Variants in ZSCAN25 observed in about 807,000 individuals in gnomAD.
ZSCAN25 encodes zinc finger and SCAN domain-containing protein 25.
In ZSCAN25, 27 loss-of-function variants were observed where a neutral mutation model predicts 38.7. The ratio of observed to expected loss-of-function variants is 0.70; its 90% CI spans 0.51 to 0.96. The LOEUF is 0.96. Among genes scored for constraint, ZSCAN25 ranks in the 40% least tolerant of loss-of-function variants. The pLI, the probability that ZSCAN25 is intolerant of heterozygous loss-of-function variation, is 0.00. For synonymous variants in ZSCAN25, 273 were observed against 277.7 expected (o/e 0.98, Z 0.17); for missense variants, 637 against 705.9 (o/e 0.90, Z 1.11).
intron 7 of ZSCAN25, among the ~76,000 whole-genome samples, chr7:99,628,906 G>A (rs182407367): frequency 6.6e-6 from 1 of 152,296 alleles, no homozygotes; most frequent in East Asian, 1.9e-4. Flanking sequence ...GAGAATAATC[G>A]TGGTGAGTGT....
rs755130158 is a variant in ZSCAN25, at chr7:99,629,394, G to A, written c.1009G>A (p.Glu337Lys). 15 of 1,614,018 alleles carry A rather than the reference G, an allele frequency of 9.3e-6. No homozygotes were observed. The Admixed American group carries it at 1.3e-4, about 14-fold the overall frequency. Residue 337 changes from glutamate to lysine, a missense_variant, in exon 8 of 8, where the codon GAA (glutamate) becomes AAA (lysine). By Grantham distance (56) the Glu-to-Lys change is moderately conservative. Coordinates refer to ENST00000394152, the MANE Select transcript of ZSCAN25 (RefSeq NM_145115.3). This position sits in a 1 kb window ranked among gnomAD's most constrained non-coding sequence, Gnocchi z 5.6. ...PQHGAIPLPD[E>K]VKTHSSFWKP... ...GCACGGTGCCATCCCCCTGCCTGAC[G>A]AAGTCAAAACCCACAGCTCCTTCTG...
At chr7:99,652,623 C>T in the ZSCAN25 span, 1 of 1,614,088 alleles carries the variant, frequency 6.2e-7, no homozygotes, top group South Asian at 1.1e-5. Context: ...GTTGGAATCA[C>T]CACCATTGAC....
chr7:99,720,608 A>T, the ZSCAN25 span: 7 of 553,538 alleles, frequency 1.3e-5, no homozygotes, highest in Admixed American at 1.8e-4. Context: ...TCTTCATACG[A>T]TGAAGGGTAA....
At chr7:99,707,831 T>G in the ZSCAN25 span, 1 of 1,613,830 alleles carries the variant, frequency 6.2e-7, no homozygotes, top group African/African-American at 1.3e-5. Context: ...TTTACAAGGT[T>G]TGAAGGAGAA....
At chr7:99,650,589 A>G in the ZSCAN25 span, among the ~76,000 whole-genome samples, 5 of 152,192 alleles carry the variant, frequency 3.3e-5, no homozygotes, top group Non-Finnish European at 7.3e-5. Context: ...TCCTGCCTCA[A>G]CTCACACTTG....
At chr7:99,666,927 ATT>A in the ZSCAN25 span, 6 of 1,610,476 alleles carry the variant, frequency 3.7e-6, no homozygotes, top group Non-Finnish European at 5.1e-6. Flanking sequence ...TACATTTCTA[ATT>A]AAGACTCATC....
At chr7:99,678,147 C>T in the ZSCAN25 span, among the ~76,000 whole-genome samples, 1 of 152,230 alleles carries the variant, frequency 6.6e-6, no homozygotes, top group Non-Finnish European at 1.5e-5. Context: ...AAGGCATTGT[C>T]TGCCTGGCTG....
chr7:99,727,575 C>A, the ZSCAN25 span, among the ~76,000 whole-genome samples: 1 of 152,116 alleles, frequency 6.6e-6, no homozygotes, highest in African/African-American at 2.4e-5. Context: ...CACTCTATTT[C>A]CCCATATTTC....
the ZSCAN25 span, chr7:99,663,891 TAC>T: frequency 6.7e-7 from 1 of 1,485,630 alleles, no homozygotes; most frequent in East Asian, 2.5e-5. Context: ...AAAATACAGA[TAC>T]ATGCTCTATC....
At chr7:99,719,812 A>G in the ZSCAN25 span, among the ~76,000 whole-genome samples, 5 of 152,162 alleles carry the variant, frequency 3.3e-5, no homozygotes, top group African/African-American at 9.6e-5. Context: ...AGCCTGGCCA[A>G]TAAGGTGAAA....
chr7:99,638,714 T>G, the ZSCAN25 span: 2 of 1,323,056 alleles, frequency 1.5e-6, no homozygotes, highest in South Asian at 1.2e-5. Flanking sequence ...AGGCGCAACA[T>G]GAGGATCCAC....
chr7:99,701,046 C>T, the ZSCAN25 span, among the ~76,000 whole-genome samples: 1 of 152,208 alleles, frequency 6.6e-6, no homozygotes, highest in Non-Finnish European at 1.5e-5. Context: ...CACCCAACCA[C>T]CCTGTGCCTC....
chr7:99,708,454 C>T, the ZSCAN25 span, among the ~76,000 whole-genome samples: 25 of 152,100 alleles, frequency 1.6e-4, no homozygotes, highest in African/African-American at 5.3e-4. Context: ...CTCCTCCCTA[C>T]CTTGTCTTAC....
the ZSCAN25 span, among the ~76,000 whole-genome samples, chr7:99,721,296 A>G: frequency 3.3e-5 from 5 of 152,218 alleles, no homozygotes; most frequent in Admixed American, 2.6e-4. Context: ...CCACACTTAC[A>G]TAGAAAGTTT....
the ZSCAN25 span, among the ~76,000 whole-genome samples, chr7:99,724,844 GA>G: frequency 6.6e-6 from 1 of 151,946 alleles, no homozygotes; most frequent in African/African-American, 2.4e-5. Context: ...ATATATACAG[GA>G]ATTCCAATAT....
At chr7:99,724,763 T>C in the ZSCAN25 span, among the ~76,000 whole-genome samples, 1 of 152,206 alleles carries the variant, frequency 6.6e-6, no homozygotes, top group Admixed American at 6.5e-5. Flanking sequence ...TCAAGGTACA[T>C]GTGCCTTTTT....
chr7:99,697,399 G>A, the ZSCAN25 span, among the ~76,000 whole-genome samples: 6 of 152,178 alleles, frequency 3.9e-5, no homozygotes, highest in South Asian at 2.1e-4. Context: ...CAACTCAACC[G>A]TGAATCTGCT....
chr7:99,720,890 G>A, the ZSCAN25 span: 10 of 171,354 alleles, frequency 5.8e-5, no homozygotes, highest in Non-Finnish European at 1.3e-4. Context: ...ATCCAGAGCT[G>A]TGTGTCCTTT....
the ZSCAN25 span, among the ~76,000 whole-genome samples, chr7:99,698,765 G>A: frequency 6.6e-6 from 1 of 151,994 alleles, no homozygotes; most frequent in Non-Finnish European, 1.5e-5. Flanking sequence ...TCATCATCCA[G>A]AAGGAACATG....
Sources: allele counts gnomAD v4.1 joint callset (sites outside exome capture counted in the v4.1 genomes callset), GRCh38; gene constraint gnomAD v4.1.1; non-coding constraint Gnocchi (gnomAD v3.1); transcripts MANE v1.5; gene names NCBI Gene and HGNC (gene_info 2026-07-23, HGNC 2026-07-21).